Variants in TENM2 observed in about 807,000 individuals in gnomAD.
TENM2 encodes teneurin-2.
A neutral mutation model predicts 245.2 loss-of-function variants in TENM2; 52 were observed. That is an observed-to-expected ratio of 0.21 (90% confidence interval 0.17 to 0.27). The LOEUF is 0.27. TENM2 is among the 10% of genes least tolerant of loss of function. The pLI is 1.00. For missense variants in TENM2, 3,046 were observed against 3,666.8 expected (o/e 0.83, Z 4.37); for synonymous variants, 1,363 against 1,438.9 (o/e 0.95, Z 1.19).
intron 2 of TENM2, among the ~76,000 whole-genome samples, chr5:167,399,842 G>C (rs148412575): frequency 2.0e-5 from 3 of 152,160 alleles, no homozygotes; most frequent in Non-Finnish European, 4.4e-5. Flanking sequence ...GTTAATATTT[G>C]GGCCTGGCTT....
chr5:168,189,399 T>C (rs180991911), intron 13 of TENM2, among the ~76,000 whole-genome samples: 3 of 152,344 alleles, frequency 2.0e-5, no homozygotes, highest in Admixed American at 2.0e-4. Flanking sequence ...CCATGGTTCT[T>C]TGCTCTCTCT....
intron 2 of TENM2, chr5:167,755,164 C>T (rs757570965): frequency 1.3e-6 from 2 of 1,598,978 alleles, no homozygotes; most frequent in Non-Finnish European, 1.7e-6. Context: ...TGAGTTTTCT[C>T]CATGGGAAGG....
chr5:167,359,422 G>GT (rs1759560999), intron 1 of TENM2, among the ~76,000 whole-genome samples: 1 of 152,102 alleles, frequency 6.6e-6, no homozygotes, highest in East Asian at 1.9e-4. Flanking sequence ...ATTTACTTAA[G>GT]TAGTTTTTTT....
intron 2 of TENM2, among the ~76,000 whole-genome samples, chr5:167,650,145 T>C (rs977231691): frequency 5.9e-5 from 9 of 152,176 alleles, no homozygotes; most frequent in Admixed American, 5.9e-4. Context: ...TTCCATAAAA[T>C]AAGCTGCATT....
At chr5:166,996,726 A>G in the TENM2 span, among the ~76,000 whole-genome samples, 2 of 152,320 alleles carry the variant, frequency 1.3e-5, no homozygotes, top group Middle Eastern at 6.8e-3. Context: ...TGAACCAAGG[A>G]AAGATTTTGT....
At chr5:167,256,433 G>A in the TENM2 span, among the ~76,000 whole-genome samples, 1 of 152,126 alleles carries the variant, frequency 6.6e-6, no homozygotes, top group Non-Finnish European at 1.5e-5. Context: ...ATTTAATGGA[G>A]CAATTGTGAT....
the TENM2 span, among the ~76,000 whole-genome samples, chr5:167,204,560 C>T: frequency 6.6e-6 from 1 of 152,190 alleles, no homozygotes; most frequent in Admixed American, 6.5e-5. Flanking sequence ...CCAAAATTAA[C>T]TCTAGAATTC....
At chr5:167,936,623 T>C (rs1403517097) in intron 3 of TENM2, among the ~76,000 whole-genome samples, 1 of 152,234 alleles carries the variant, frequency 6.6e-6, no homozygotes, top group Non-Finnish European at 1.5e-5. Flanking sequence ...TTCAGCGTGA[T>C]GTTTAATTTT....
chr5:167,210,503 C>CCGGACTG, the TENM2 span, among the ~76,000 whole-genome samples: 1 of 142,458 alleles, frequency 7.0e-6, no homozygotes, highest in East Asian at 2.0e-4. Context: ...GTTGCCCAGG[C>CCGGACTG]CGGACTGCGG....
intron 26 of TENM2, among the ~76,000 whole-genome samples, chr5:168,245,065 C>T (rs930699146): frequency 1.3e-5 from 2 of 152,096 alleles, no homozygotes; most frequent in African/African-American, 4.8e-5. Context: ...CCGCACCTGA[C>T]CATTTCTGCT....
chr5:167,779,012 G>A (rs1228768552), intron 2 of TENM2, among the ~76,000 whole-genome samples: 1 of 152,200 alleles, frequency 6.6e-6, no homozygotes, highest in East Asian at 1.9e-4. Flanking sequence ...AGAGTTCAGA[G>A]TTTCTTTAGA....
At chr5:167,745,967 A>T (rs1761531588) in intron 2 of TENM2, among the ~76,000 whole-genome samples, 1 of 152,170 alleles carries the variant, frequency 6.6e-6, no homozygotes, top group South Asian at 2.1e-4. Context: ...CTATGGATGT[A>T]TGCTCTAATA....
chr5:167,807,220 T>A (rs1214875532), intron 2 of TENM2, among the ~76,000 whole-genome samples: 1 of 146,040 alleles, frequency 6.8e-6, no homozygotes, highest in Non-Finnish European at 1.5e-5. Flanking sequence ...TCCCAGTAGC[T>A]GAGGGCAAAA....
intron 2 of TENM2, among the ~76,000 whole-genome samples, chr5:167,399,845 C>A (rs372699406): frequency 7.2e-5 from 11 of 152,094 alleles, no homozygotes; most frequent in South Asian, 6.2e-4. Flanking sequence ...AATATTTGGG[C>A]CTGGCTTTGA....
chr5:167,968,119 G>C (rs1055709518), intron 4 of TENM2, among the ~76,000 whole-genome samples: 2 of 152,172 alleles, frequency 1.3e-5, no homozygotes, highest in Non-Finnish European at 2.9e-5. Flanking sequence ...GAGATACTCA[G>C]CCATTCTGCT....
chr5:168,123,557 T>C (rs1795632154), intron 10 of TENM2, among the ~76,000 whole-genome samples: 1 of 152,210 alleles, frequency 6.6e-6, no homozygotes, highest in South Asian at 2.1e-4. Flanking sequence ...AAGGATTTAA[T>C]AACACTGTCA....
At chr5:167,393,895 G>T (rs927174991) in intron 2 of TENM2, among the ~76,000 whole-genome samples, 10 of 152,084 alleles carry the variant, frequency 6.6e-5, no homozygotes, top group Middle Eastern at 3.2e-3. Flanking sequence ...GAGTATTTCT[G>T]GATGTATTGG....
intron 2 of TENM2, among the ~76,000 whole-genome samples, chr5:167,701,624 G>A (rs987878163): frequency 1.3e-5 from 2 of 152,108 alleles, no homozygotes; most frequent in African/African-American, 4.8e-5. Context: ...TTGAAAAATA[G>A]GAAGGATAAT....
chr5:168,215,057 A>T (rs1763067035), exon 21 of TENM2: 1 of 1,613,774 alleles, frequency 6.2e-7, no homozygotes. Flanking sequence ...CCAGCACACA[A>T]GTACTACTTG....
Sources: allele counts gnomAD v4.1 joint callset (sites outside exome capture counted in the v4.1 genomes callset), GRCh38; gene constraint gnomAD v4.1.1; transcripts MANE v1.5; gene names NCBI Gene and HGNC (gene_info 2026-07-23, HGNC 2026-07-21).